The following TBC1D32 variants were observed in gnomAD, a reference collection of about 807,000 sequenced individuals.
The protein encoded by TBC1D32 is protein broad-minded.
In TBC1D32, 151 loss-of-function variants were observed where a neutral mutation model predicts 170.3. The observed-to-expected ratio is 0.89, with a 90% CI of 0.78 to 1.01. The LOEUF is 1.01. TBC1D32 is among the 50% of genes least tolerant of loss of function. The probability of loss-of-function intolerance (pLI) is 0.00; values close to 1 mark genes in which losing one functional copy is unlikely to be tolerated. For missense variants in TBC1D32, 1,464 were observed against 1,457.1 expected, an observed-to-expected ratio of 1.00 and a Z score of -0.08; for synonymous variants, 498 against 488.0, an observed-to-expected ratio of 1.02 and a Z score of -0.27.
chr6:121,158,104 A>T (rs1436677214), intron 24 of TBC1D32, among the ~76,000 whole-genome samples: 1 of 151,658 alleles, frequency 6.6e-6, no homozygotes, highest in East Asian at 1.9e-4. Flanking sequence ...AGTTACTTAC[A>T]CTCTCTCCTT....
chr6:121,148,919 T>C (rs1345942331), intron 24 of TBC1D32, among the ~76,000 whole-genome samples: 5 of 152,202 alleles, frequency 3.3e-5, no homozygotes, highest in African/African-American at 9.7e-5. Context: ...CCAGCATCCA[T>C]TGTTACCTGA....
chr6:121,331,744 G>A (rs1360747314), intron 1 of TBC1D32, among the ~76,000 whole-genome samples: 3 of 152,138 alleles, frequency 2.0e-5, no homozygotes, highest in South Asian at 2.1e-4. Flanking sequence ...TGAAATAACT[G>A]ACCTTTAAGA....
At chr6:121,220,733 C>T (rs1372127686) in intron 21 of TBC1D32, among the ~76,000 whole-genome samples, 2 of 150,906 alleles carry the variant, frequency 1.3e-5, no homozygotes, top group African/African-American at 4.9e-5. Flanking sequence ...CTCTACCTCC[C>T]AGGTTCGAGT....
At chr6:121,162,252 T>G (rs1252841817) in intron 22 of TBC1D32, among the ~76,000 whole-genome samples, 3 of 152,194 alleles carry the variant, frequency 2.0e-5, no homozygotes, top group Non-Finnish European at 4.4e-5. Context: ...GGCATCTTCC[T>G]CATGAAATCT....
intron 26 of TBC1D32, among the ~76,000 whole-genome samples, chr6:121,116,690 C>T (rs1779718034): frequency 6.6e-6 from 1 of 152,152 alleles, no homozygotes; most frequent in African/African-American, 2.4e-5. Flanking sequence ...TGACCTAGCA[C>T]ATCAGTGAAG....
At chr6:121,310,269 G>C (rs953938133) in intron 4 of TBC1D32, among the ~76,000 whole-genome samples, 1 of 152,058 alleles carries the variant, frequency 6.6e-6, no homozygotes, top group African/African-American at 2.4e-5. Flanking sequence ...CCACAAAAAT[G>C]ATAAGTATGT....
At chr6:121,333,941 C>T (rs560421304) in intron 1 of TBC1D32, among the ~76,000 whole-genome samples, 2 of 152,104 alleles carry the variant, frequency 1.3e-5, no homozygotes, top group African/African-American at 2.4e-5. Context: ...GTGGCGGGCA[C>T]CTGCAATCCC....
At chr6:121,193,638 G>A in intron 22 of TBC1D32, among the ~76,000 whole-genome samples, 1 of 152,208 alleles carries the variant, frequency 6.6e-6, no homozygotes, top group East Asian at 1.9e-4. Flanking sequence ...TACCGTAATG[G>A]ACAACAGAAA....
intron 3 of TBC1D32, among the ~76,000 whole-genome samples, 189 bp from the exon 4 acceptor site, chr6:121,311,036 G>A (rs988599794): frequency 6.6e-6 from 1 of 152,164 alleles, no homozygotes; most frequent in Admixed American, 6.5e-5. Flanking sequence ...GAATGTCCCA[G>A]TAGAAAGTGT....
At chr6:121,287,541 C>G (rs1176698800) in intron 12 of TBC1D32, among the ~76,000 whole-genome samples, 1 of 152,242 alleles carries the variant, frequency 6.6e-6, no homozygotes, top group East Asian at 1.9e-4. Context: ...TACACTCCCA[C>G]ACAATAATAA....
intron 1 of TBC1D32, among the ~76,000 whole-genome samples, chr6:121,329,248 C>T (rs1018512456): frequency 4.6e-5 from 7 of 152,000 alleles, no homozygotes; most frequent in Middle Eastern, 3.4e-3. Context: ...CTGACATGTT[C>T]GTAATGTTTA....
chr6:121,174,493 A>T (rs547711240), intron 22 of TBC1D32, among the ~76,000 whole-genome samples: 1 of 152,316 alleles, frequency 6.6e-6, no homozygotes, highest in South Asian at 2.1e-4. Context: ...TGGGGTATCC[A>T]GGCAAAACGA....
intron 3 of TBC1D32, among the ~76,000 whole-genome samples, chr6:121,316,884 T>C (rs960571039): frequency 1.3e-5 from 2 of 152,178 alleles, no homozygotes; most frequent in Non-Finnish European, 2.9e-5. Flanking sequence ...TTTGGCCTGA[T>C]AGCCTCTGTG....
At chr6:121,160,866 G>A in intron 23 of TBC1D32, 82 bp downstream of exon 23, 1 of 1,040,810 alleles carries the variant, frequency 9.6e-7, no homozygotes. Flanking sequence ...AAGAGGTAAA[G>A]TTTAGGGTGA....
rs1336806565 is a variant in TBC1D32 at position 121,113,113 on chromosome 6, G to A, written c.3118C>T (p.His1040Tyr). Residue 1040 changes from histidine to tyrosine, a missense_variant, in exon 28 of 32, where the codon CAT becomes TAT. Coordinates refer to ENST00000398212, the MANE Select transcript of TBC1D32 (RefSeq NM_152730.6). ...AENDLTWVLK[H>Y]CERFLKQQQT... ...TGCTGTTTCAGGAATCTCTCACAATGCTTTAAAACCCAGGTAAGATCATTT... is the reference window on the plus strand; with the variant it reads ...TGCTGTTTCAGGAATCTCTCACAATACTTTAAAACCCAGGTAAGATCATTT... 6.2e-7 allele frequency: 1 copy of A among 1,611,644 alleles called. No individual in the cohort carries two copies.
At chr6:121,288,932 G>A (rs1278162520) in intron 12 of TBC1D32, among the ~76,000 whole-genome samples, 1 of 152,068 alleles carries the variant, frequency 6.6e-6, no homozygotes, top group Non-Finnish European at 1.5e-5. Context: ...ATGCAGAAAA[G>A]GCCTTTGACA....
chr6:121,097,150 G>C (rs1024821028), intron 30 of TBC1D32, among the ~76,000 whole-genome samples: 1 of 152,106 alleles, frequency 6.6e-6, no homozygotes, highest in Non-Finnish European at 1.5e-5. Context: ...AGGACTTCAT[G>C]ACTAAAACAC....
At chr6:121,108,838 C>T (rs73768909) in intron 29 of TBC1D32, among the ~76,000 whole-genome samples, 4,901 of 152,160 alleles carry the variant, frequency 0.032, 268 homozygotes, top group African/African-American at 0.11. Flanking sequence ...TAGTCTGGTC[C>T]AGTCTAGTCC....
upstream of TBC1D32, chr6:121,334,549 A>C (rs1003214286): frequency 6.1e-5 from 77 of 1,271,828 alleles, no homozygotes; most frequent in Admixed American, 6.2e-4. Context: ...TCCCAGGGAT[A>C]CCGCGGCGAG....
Sources: allele counts gnomAD v4.1 joint callset (sites outside exome capture counted in the v4.1 genomes callset), GRCh38; gene constraint gnomAD v4.1.1; transcripts MANE v1.5; gene names NCBI Gene and HGNC (gene_info 2026-07-23, HGNC 2026-07-21).